RBMS3: variants seen among roughly 807,000 people sequenced by gnomAD.
RBMS3 encodes the protein RNA binding motif single stranded interacting protein 3.
A neutral mutation model predicts 66.8 loss-of-function variants in RBMS3; 27 were observed. That is an observed-to-expected ratio of 0.40 (90% CI 0.30 to 0.56). RBMS3 has a LOEUF of 0.56. Ranked by LOEUF, RBMS3 falls within the 20% of genes least tolerant of loss-of-function variation. The probability of loss-of-function intolerance (pLI) is 0.40; values close to 1 mark genes in which losing one functional copy is unlikely to be tolerated. For synonymous variants in RBMS3, 188 were observed against 183.0 expected, an observed-to-expected ratio of 1.03 and a Z score of -0.22; for missense variants, 513 against 549.5, an observed-to-expected ratio of 0.93 and a Z score of 0.66.
At chr3:29,776,807 A>G (rs2056443177) in intron 6 of RBMS3, among the ~76,000 whole-genome samples, 1 of 152,002 alleles carries the variant, frequency 6.6e-6, no homozygotes, top group Non-Finnish European at 1.5e-5. Flanking sequence ...CTAGGTAAGG[A>G]CTACCCTTCC....
chr3:29,797,007 C>T (rs895088628), intron 6 of RBMS3, among the ~76,000 whole-genome samples: 3 of 151,998 alleles, frequency 2.0e-5, no homozygotes, highest in East Asian at 1.9e-4. Flanking sequence ...CCACCGAGCC[C>T]GGCCACAATG....
chr3:29,411,975 A>G (rs1357387383), intron 1 of RBMS3, among the ~76,000 whole-genome samples: 3 of 152,244 alleles, frequency 2.0e-5, no homozygotes, highest in African/African-American at 7.2e-5. Context: ...CAATGATTTG[A>G]ACTTATTTAA....
At chr3:29,337,592 GC>G (rs2036029093) in intron 1 of RBMS3, among the ~76,000 whole-genome samples, 1 of 152,014 alleles carries the variant, frequency 6.6e-6, no homozygotes, top group Admixed American at 6.6e-5. Context: ...GGAACTGTGG[GC>G]TATGATCATG....
chr3:29,978,357 G>C (rs1697735733), intron 12 of RBMS3, among the ~76,000 whole-genome samples: 1 of 151,986 alleles, frequency 6.6e-6, no homozygotes, highest in Non-Finnish European at 1.5e-5. Context: ...AGTCTTAAGG[G>C]ACATAAAACT....
intron 2 of RBMS3, among the ~76,000 whole-genome samples, chr3:29,482,701 C>CTTTCTTTTT (rs759435190): frequency 1.3e-5 from 1 of 77,512 alleles, no homozygotes; most frequent in East Asian, 4.6e-4. Flanking sequence ...TTCTTTCTTT[C>CTTTCTTTTT]TTTTTTTTTT....
intron 4 of RBMS3, among the ~76,000 whole-genome samples, chr3:29,632,834 C>T (rs925379202): frequency 6.6e-6 from 1 of 151,826 alleles, no homozygotes; most frequent in African/African-American, 2.4e-5. Flanking sequence ...AAGAACAAGG[C>T]CCTGCAGATC....
At chr3:29,609,483 G>C (rs1303800698) in intron 4 of RBMS3, among the ~76,000 whole-genome samples, 1 of 152,010 alleles carries the variant, frequency 6.6e-6, no homozygotes, top group Non-Finnish European at 1.5e-5. Context: ...CTTGGTAGGG[G>C]GAGGGTTCAG....
chr3:29,883,702 G>C (rs2059789575), intron 7 of RBMS3, among the ~76,000 whole-genome samples: 1 of 151,786 alleles, frequency 6.6e-6, no homozygotes, highest in African/African-American at 2.4e-5. Context: ...AAACCCCTTA[G>C]GCATATGGTC....
At chr3:29,507,277 A>C (rs538930280) in intron 3 of RBMS3, among the ~76,000 whole-genome samples, 7 of 152,006 alleles carry the variant, frequency 4.6e-5, no homozygotes, top group African/African-American at 1.7e-4. Flanking sequence ...AGATTATGTA[A>C]TTTTTTTCTA....
At position 29,494,820 on chromosome 3, in the gene RBMS3, G is replaced by A. The variant is rs1037340945; in HGVS notation, c.307+6321G>A. 5.3e-5 allele frequency among the ~76,000 whole-genome samples: 8 copies of A among 152,110 alleles called. No individual in the cohort carries two copies. The East Asian group carries it at 1.2e-3, about 22-fold the overall frequency. ...CCAGCCTTACCACCATCATATTTCC[G>A]ACAGGCTATATGTTTAGAGTAGAGG... On this transcript the variant is annotated intron_variant, in intron 3 of 14. Transcript: ENST00000383767.
intron 4 of RBMS3, among the ~76,000 whole-genome samples, chr3:29,672,912 G>A (rs571157569): frequency 7.2e-5 from 11 of 152,292 alleles, no homozygotes; most frequent in Admixed American, 7.2e-4. Flanking sequence ...CTTGAATTCA[G>A]CTCTGCACCA....
chr3:29,472,981 T>C (rs2042794969), intron 2 of RBMS3, among the ~76,000 whole-genome samples: 1 of 150,790 alleles, frequency 6.6e-6, no homozygotes, highest in African/African-American at 2.5e-5. Context: ...GTGTTTACAA[T>C]CCCTGAGCTA....
At chr3:29,870,926 G>T (rs900301995) in intron 7 of RBMS3, among the ~76,000 whole-genome samples, 4 of 151,924 alleles carry the variant, frequency 2.6e-5, no homozygotes, top group African/African-American at 9.7e-5. Flanking sequence ...TTTGGTTTGG[G>T]GATGCACATA....
chr3:29,285,980 T>C (rs1332154470), intron 1 of RBMS3, among the ~76,000 whole-genome samples: 4 of 152,188 alleles, frequency 2.6e-5, no homozygotes, highest in Non-Finnish European at 1.5e-5. Context: ...TAGTACTTCC[T>C]GCCTCAGATT....
chr3:29,360,948 T>A lies in RBMS3; in HGVS notation c.76-73795T>A, dbSNP rs186127625. Among the ~76,000 whole-genome samples, 204 of 152,126 alleles carry A rather than the reference T, an allele frequency of 1.3e-3. 2 individuals are homozygous for A. Among genetic ancestry groups the A allele is most frequent in the Admixed American group, 5.4e-3 (83 of 15,286 alleles). On this transcript the variant is annotated intron_variant, in intron 1 of 14. Coordinates refer to ENST00000383767, the MANE Select transcript of RBMS3 (RefSeq NM_001003793.3). ...TTTTGAGCCTATGTGTGTCTCTGCA[T>A]GTGAGATGGGTTTCCTGAATACAGC...
intron 4 of RBMS3, among the ~76,000 whole-genome samples, chr3:29,727,476 G>A (rs941831514): frequency 6.6e-6 from 1 of 151,996 alleles, no homozygotes; most frequent in African/African-American, 2.4e-5. Context: ...ATCTGACAAA[G>A]GTCTAATATC....
intron 5 of RBMS3, among the ~76,000 whole-genome samples, chr3:29,754,345 A>T (rs2055315853): frequency 3.3e-5 from 5 of 152,252 alleles, no homozygotes; most frequent in Admixed American, 3.3e-4. Context: ...CAGAGACTCT[A>T]GAGAATAACA....
At chr3:29,482,600 CTATACTTGAGTTGTAAGTTGTTACTATA>C (rs2043164645) in intron 2 of RBMS3, among the ~76,000 whole-genome samples, 1 of 151,382 alleles carries the variant, frequency 6.6e-6, no homozygotes, top group Non-Finnish European at 1.5e-5. Flanking sequence ...TTCAAAACAG[CTATACTTGAGTTGTAAGTTGTTACTATA>C]TTGGCTAAAT....
Position 29,603,732 on chromosome 3 carries a change from T to C in RBMS3, c.399+16527T>C, listed in dbSNP as rs557794614. Among the ~76,000 whole-genome samples, 72 of 152,136 alleles carry C rather than the reference T, an allele frequency of 4.7e-4. 1 individual carries two copies. The highest frequency in any genetic ancestry group is 2.1e-4 in the South Asian group (1 of 4,826). ...ACAATTCCAGACCTGAGGAAACTTA[T>C]GGTTTATAGGAAAGTGCAGATAAGT... is the stretch of plus-strand genomic sequence containing the variant. On this transcript the variant is annotated intron_variant, in intron 4 of 14. Coordinates refer to ENST00000383767, the MANE Select transcript of RBMS3 (RefSeq NM_001003793.3).
Sources: allele counts gnomAD v4.1 joint callset (sites outside exome capture counted in the v4.1 genomes callset), GRCh38; gene constraint gnomAD v4.1.1; transcripts MANE v1.5; gene names NCBI Gene and HGNC (gene_info 2026-07-23, HGNC 2026-07-21).